SETBP1: variants seen among roughly 807,000 people sequenced by gnomAD.
SETBP1 encodes the protein SET binding protein 1.
A neutral mutation model predicts 101.0 loss-of-function variants in SETBP1; 9 were observed. The ratio of observed to expected loss-of-function variants is 0.09; its 90% confidence interval spans 0.05 to 0.16. The LOEUF (loss-of-function observed/expected upper bound fraction) is 0.16. Among genes scored for constraint, SETBP1 ranks in the 10% least tolerant of loss-of-function variants. The pLI, the probability that SETBP1 is intolerant of heterozygous loss-of-function variation, is 1.00. For synonymous variants in SETBP1, 818 were observed against 788.5 expected (o/e 1.04, Z -0.63); for missense variants, 1,858 against 2,033.8 (o/e 0.91, Z 1.66).
At chr18:44,790,709 T>A (rs1174046298) in intron 2 of SETBP1, among the ~76,000 whole-genome samples, 1 of 152,188 alleles carries the variant, frequency 6.6e-6, no homozygotes, top group African/African-American at 2.4e-5. Context: ...CCCCCAGAGA[T>A]TCTGTTTATT....
At chr18:44,749,794 A>G (rs917250379) in intron 2 of SETBP1, among the ~76,000 whole-genome samples, 1 of 152,350 alleles carries the variant, frequency 6.6e-6, no homozygotes, top group Admixed American at 6.5e-5. Context: ...CAAAAGGTAA[A>G]TAAAAATGAA....
intron 2 of SETBP1, among the ~76,000 whole-genome samples, chr18:44,738,453 C>T (rs142635048): frequency 6.6e-6 from 1 of 152,308 alleles, no homozygotes; most frequent in African/African-American, 2.4e-5. Flanking sequence ...TGAGTGTTCA[C>T]ATTTTCCATA....
chr18:44,854,946 C>CCAGTTA (rs2144605061), intron 2 of SETBP1, among the ~76,000 whole-genome samples: 1 of 152,286 alleles, frequency 6.6e-6, no homozygotes, highest in African/African-American at 2.4e-5. Flanking sequence ...CTTTGCTGTT[C>CCAGTTA]CACCAACACT....
intron 2 of SETBP1, among the ~76,000 whole-genome samples, chr18:44,830,143 G>A (rs1294063555): frequency 6.6e-6 from 1 of 152,162 alleles, no homozygotes; most frequent in Non-Finnish European, 1.5e-5. Flanking sequence ...GAACTTATTG[G>A]AATCTTTAAT....
At chr18:44,876,687 C>G (rs773187616) in intron 3 of SETBP1, 1 of 1,522,954 alleles carries the variant, frequency 6.6e-7, no homozygotes, top group Admixed American at 2.1e-5. Context: ...ACCCATTCCC[C>G]GCAAAACCCG....
At chr18:44,884,560 T>C (rs765019175) in intron 3 of SETBP1, among the ~76,000 whole-genome samples, 31 of 152,278 alleles carry the variant, frequency 2.0e-4, no homozygotes, top group Non-Finnish European at 3.8e-4. Flanking sequence ...CCAGAACTTT[T>C]GTAAACTGAC....
intron 2 of SETBP1, among the ~76,000 whole-genome samples, chr18:44,785,670 G>A (rs1462250480): frequency 6.6e-6 from 1 of 152,102 alleles, no homozygotes; most frequent in Non-Finnish European, 1.5e-5. Context: ...TAAGACCATT[G>A]TTCCATCTCC....
At chr18:44,684,804 G>C (rs1262177767) in intron 1 of SETBP1, among the ~76,000 whole-genome samples, 1 of 151,896 alleles carries the variant, frequency 6.6e-6, no homozygotes. Context: ...CCACCACCAT[G>C]CCTGGCTAAT....
At chr18:44,878,523 A>C (rs1015873626) in intron 3 of SETBP1, among the ~76,000 whole-genome samples, 2 of 152,198 alleles carry the variant, frequency 1.3e-5, no homozygotes. Flanking sequence ...AGTATGATAC[A>C]TGACTGTGCT....
chr18:44,744,294 TTCCCTGCAGGGGCCTCCCCAGC>T (rs1488829408), intron 2 of SETBP1, among the ~76,000 whole-genome samples: 3 of 152,322 alleles, frequency 2.0e-5, no homozygotes, highest in Middle Eastern at 6.8e-3. Flanking sequence ...TGCTCCCCCC[TTCCCTGCAGGGGCCTCCCCAGC>T]TCCACCAGGC....
chr18:44,856,205 G>T (rs1402385880), intron 2 of SETBP1, among the ~76,000 whole-genome samples: 1 of 152,110 alleles, frequency 6.6e-6, no homozygotes, highest in Non-Finnish European at 1.5e-5. Context: ...CATAAAGGTA[G>T]AACTTGTTAA....
chr18:44,817,066 AG>A (rs2071994469), intron 2 of SETBP1, among the ~76,000 whole-genome samples: 1 of 152,236 alleles, frequency 6.6e-6, no homozygotes, highest in South Asian at 2.1e-4. Context: ...AATCGACAGG[AG>A]GCGGATCTGC....
intron 4 of SETBP1, among the ~76,000 whole-genome samples, chr18:44,961,373 G>A (rs1238165296): frequency 6.6e-6 from 1 of 152,228 alleles, no homozygotes; most frequent in African/African-American, 2.4e-5. Flanking sequence ...TGTATTTGAT[G>A]TCTCATATGT....
At chr18:45,003,416 G>C (rs1301478742) in intron 4 of SETBP1, among the ~76,000 whole-genome samples, 1 of 152,184 alleles carries the variant, frequency 6.6e-6, no homozygotes, top group African/African-American at 2.4e-5. Context: ...ATGTATGTAT[G>C]TGAGTTCAAG....
rs1480814014 is a variant in SETBP1, at chr18:44,989,884, AAAAAAAAAAAAAAAAAAAAAAAAT to A, written c.4000+36545_4000+36568del. ...ACTCCGTCTCAAAAAAAAAAAAAAA[AAAAAAAAAAAAAAAAAAAAAAAAT>A]TTATCTAAGTGGACACACTGTAATC... On this transcript the variant is annotated intron_variant, in intron 4 of 5. Transcript: ENST00000649279. Among the ~76,000 whole-genome samples the A allele has an allele frequency of 2.7e-3, 341 of 126,732 alleles. 8 individuals carry two copies. The highest frequency in any genetic ancestry group is 0.012 in the African/African-American group (308 of 25,710). 83.1% of individuals were successfully genotyped at this position (126,732 alleles called of 152,430 possible).
intron 4 of SETBP1, among the ~76,000 whole-genome samples, chr18:44,976,626 A>G (rs1309922010): frequency 1.3e-5 from 2 of 152,226 alleles, no homozygotes; most frequent in Non-Finnish European, 2.9e-5. Context: ...ATAAATGATC[A>G]TGGTTATAGT....
intron 4 of SETBP1, among the ~76,000 whole-genome samples, chr18:45,034,380 C>G (rs2145478851): frequency 6.6e-6 from 1 of 152,272 alleles, no homozygotes; most frequent in Non-Finnish European, 1.5e-5. Context: ...AAGTCAGCTT[C>G]TGCATCGAAG....
chr18:44,706,591 CAAAAAAAAAAAAAAA>C (rs1018470585), intron 2 of SETBP1, among the ~76,000 whole-genome samples: 3 of 16,972 alleles, frequency 1.8e-4, no homozygotes, highest in East Asian at 2.2e-3. Context: ...GACTCAATCT[CAAAAAAAAAAAAAAA>C]AAAAAAAAAA....
chr18:44,876,202 G>C (rs929360252), intron 3 of SETBP1, among the ~76,000 whole-genome samples: 1 of 152,162 alleles, frequency 6.6e-6, no homozygotes, highest in Admixed American at 6.6e-5. Flanking sequence ...TGAGACAGAG[G>C]TAGGCAGGGC....
Sources: gnomAD v4.1 joint callset for allele counts (sites outside exome capture counted in the v4.1 genomes callset) on GRCh38, gnomAD v4.1.1 for gene constraint, MANE v1.5 for transcripts, NCBI Gene and HGNC (gene_info 2026-07-23, HGNC 2026-07-21) for gene names.